MCF2L: variants seen among roughly 807,000 people sequenced by gnomAD.
MCF2L encodes guanine nucleotide exchange factor DBS.
MCF2L carries 97 observed loss-of-function variants against 153.4 expected under a neutral mutation model. The observed-to-expected ratio is 0.63, with a 90% CI of 0.54 to 0.75. The LOEUF (loss-of-function observed/expected upper bound fraction) is 0.75. Among genes scored for constraint, MCF2L ranks in the 30% least tolerant of loss-of-function variants. The probability of loss-of-function intolerance (pLI) is 0.00; values close to 1 mark genes in which losing one functional copy is unlikely to be tolerated. For missense variants in MCF2L, 1,347 were observed against 1,495.2 expected (o/e 0.90, Z 1.64); for synonymous variants, 659 against 632.2 (o/e 1.04, Z -0.64).
At chr13:113,038,238 G>T (rs1284382294) in intron 3 of MCF2L, among the ~76,000 whole-genome samples, 1 of 152,096 alleles carries the variant, frequency 6.6e-6, no homozygotes, top group Non-Finnish European at 1.5e-5. Flanking sequence ...GGCCGAGGTG[G>T]GTGGATCACG....
At chr13:113,009,901 G>A (rs913007301) in intron 1 of MCF2L, 1 of 152,244 alleles carries the variant, frequency 6.6e-6, no homozygotes, top group African/African-American at 2.4e-5. Flanking sequence ...GAAGCCTTTG[G>A]GAATGGGCAT....
At chr13:113,088,536 G>A (rs1359431330) in intron 24 of MCF2L, 26 bp from the exon 25 acceptor site, 9 of 1,611,546 alleles carry the variant, frequency 5.6e-6, no homozygotes, top group African/African-American at 1.3e-5. Context: ...GCTCGTTCAC[G>A]TGGTTTGTCT....
chr13:112,970,883 T>C (rs1260587586), intron 1 of MCF2L, among the ~76,000 whole-genome samples: 1 of 152,156 alleles, frequency 6.6e-6, no homozygotes, highest in South Asian at 2.1e-4. Context: ...CATCGTCTCA[T>C]CTGGAACAGG....
At chr13:113,090,136 T>C in intron 26 of MCF2L, 2 of 1,543,998 alleles carry the variant, frequency 1.3e-6, no homozygotes, top group Admixed American at 2.0e-5. Flanking sequence ...CCTGCAGGGT[T>C]TTGCTAACCT....
rs1219009433 is a variant in MCF2L, at chr13:112,960,059, A to G, written c.170-54704A>G. Among the ~76,000 whole-genome samples the G allele has an allele frequency of 6.6e-6, 1 of 152,250 alleles. No homozygotes were observed. The highest frequency in any genetic ancestry group is 1.5e-5 in the Non-Finnish European group (1 of 68,034). On this transcript the variant is annotated intron_variant, in intron 2 of 29. Transcript: ENST00000375608. This position sits in a 1 kb window ranked among gnomAD's most constrained non-coding sequence, Gnocchi z 4.2. ...AGGTCCCTCGGTAACTTCAGGGCAG[A>G]GGCCTTCTGTCCCGGACGCCTGCCC...
intron 2 of MCF2L, among the ~76,000 whole-genome samples, chr13:112,905,667 C>T (rs2081165753): frequency 1.3e-5 from 2 of 152,218 alleles, no homozygotes; most frequent in Admixed American, 1.3e-4. Context: ...GGTTATTACA[C>T]TGGGCATAAC....
chr13:113,019,232 G>A (rs577354079), intron 2 of MCF2L, among the ~76,000 whole-genome samples: 58 of 152,346 alleles, frequency 3.8e-4, no homozygotes, highest in African/African-American at 1.4e-3. Flanking sequence ...CTCCAGCATG[G>A]CACCTGCCTG....
chr13:113,084,041 C>G lies in MCF2L; in HGVS notation c.2035C>G (p.Leu679Val), dbSNP rs1232895506. Reference protein sequence around the residue: ...ELENYTDCPELVGRCFLERME... With the variant: ...ELENYTDCPEVVGRCFLERME... ...GGAAAACTACACTGACTGCCCAGAA[C>G]TGGTTGGAAGATGCTTTCTGGAGAG... is the stretch of plus-strand genomic sequence containing the variant. The change falls in exon 18 of 30, where the codon CTG becomes GTG. Residue 679 changes from leucine to valine, a missense_variant. Leu to Val is a conservative substitution (Grantham distance 32, BLOSUM62 1). Coordinates refer to ENST00000535094, the MANE Select transcript of MCF2L (RefSeq NM_001112732.3). The G allele has an allele frequency of 3.1e-6, 5 of 1,614,072 alleles. No homozygotes were observed. In the East Asian group the frequency reaches 1.1e-4, roughly 36 times the overall value.
chr13:113,020,886 G>A (rs117303180), intron 2 of MCF2L, among the ~76,000 whole-genome samples: 6 of 106,136 alleles, frequency 5.7e-5, no homozygotes, highest in Non-Finnish European at 1.3e-4. Flanking sequence ...ATGTGTAGAT[G>A]TGTGTATGTG....
Position 112,979,388 on chromosome 13 carries a change from C to T in MCF2L, c.79+9930C>T, listed in dbSNP as rs941508838. The T allele has an allele frequency of 3.2e-5, 44 of 1,354,942 alleles. 1 individual carries two copies. The highest frequency in any genetic ancestry group is 5.6e-4 in the Middle Eastern group (2 of 3,580). 83.9% of individuals were successfully genotyped at this position (1,354,942 alleles called of 1,614,324 possible). A position where few individuals can be genotyped will look rare whatever the true frequency, so the allele number is the denominator to read the frequency against. The stretch of plus-strand genomic sequence containing the variant: ...GGCATTGTCTGCCTGCTCTTCCAGG[C>T]GTGCAGGGCAGTGGTGGCTCGGGCC... On this transcript the variant is annotated intron_variant, in intron 1 of 29. Coordinates refer to ENST00000535094, the MANE Select transcript of MCF2L (RefSeq NM_001112732.3).
Position 113,046,101 on chromosome 13 carries a change from A to G in MCF2L, c.369+740A>G, listed in dbSNP as rs2086795056. The G allele has an allele frequency of 6.4e-6, 1 of 156,778 alleles. No homozygotes were observed. The highest frequency in any genetic ancestry group is 2.0e-4 in the South Asian group (1 of 5,128). 9.7% of individuals were successfully genotyped at this position (156,778 alleles called of 1,614,324 possible). ...TTGCTGTTGGTTTTAACCCAGAGTA[A>G]TCATTTAAGAGGGAAGAGATTAAGT... On this transcript the variant is annotated intron_variant, in intron 4 of 29. Coordinates refer to ENST00000535094, the MANE Select transcript of MCF2L (RefSeq NM_001112732.3). This position sits in a 1 kb window ranked among gnomAD's most constrained non-coding sequence, Gnocchi z 4.4.
chr13:112,991,400 TG>T (rs2082893569), intron 1 of MCF2L, among the ~76,000 whole-genome samples: 1 of 151,568 alleles, frequency 6.6e-6, no homozygotes, highest in African/African-American at 2.4e-5. Flanking sequence ...CGCTGTGTTT[TG>T]GGGGGTGTCT....
chr13:112,939,966 C>T (rs1389161080), intron 2 of MCF2L, among the ~76,000 whole-genome samples: 2 of 140,250 alleles, frequency 1.4e-5, no homozygotes, highest in Non-Finnish European at 3.1e-5. Flanking sequence ...GAGACTCCAT[C>T]TCAAAAAAAA....
intron 1 of MCF2L, among the ~76,000 whole-genome samples, chr13:113,008,363 G>GC (rs913012004): frequency 2.1e-5 from 3 of 144,180 alleles, no homozygotes; most frequent in Non-Finnish European, 4.6e-5. Flanking sequence ...CTGTGTCTCA[G>GC]CCCCTGGACT....
Position 113,078,406 on chromosome 13 carries a change from G to C in MCF2L, c.1704G>C (p.Ala568=), listed in dbSNP as rs780430545. 1.9e-6 allele frequency: 3 copies of C among 1,612,752 alleles called. No homozygotes were observed. Among genetic ancestry groups the C allele is most frequent in the Middle Eastern group, 1.7e-4 (1 of 6,046 alleles). Residue 568 remains alanine (A), a synonymous_variant, in exon 14 of 30, where the codon GCG becomes GCC. Coordinates refer to ENST00000535094, the MANE Select transcript of MCF2L (RefSeq NM_001112732.3). ...GSENSSSEGG[A]LRRGPYRRAK... Reference sequence around the variant, plus strand: ...AGAACTCCAGCTCCGAGGGCGGTGCGCTCCGGAGAGGGCCCTACCGGAGGG... The same window carrying C: ...AGAACTCCAGCTCCGAGGGCGGTGCCCTCCGGAGAGGGCCCTACCGGAGGG...
chr13:113,078,035 T>G (rs1433985694), intron 13 of MCF2L, among the ~76,000 whole-genome samples: 18 of 152,136 alleles, frequency 1.2e-4, no homozygotes, highest in Admixed American at 1.2e-3. Context: ...CCCACCGTCC[T>G]CCCCCTTCCC....
At position 112,969,257 on chromosome 13, in the gene MCF2L, A is replaced by C. The variant is rs913965405; in HGVS notation, c.-123A>C. ...AGGGAGGCGGCGGCTGGAGGCTGAAAGCGCTGCCGTGGCCCCCTCCCCGCC... is the reference window on the plus strand; with the variant it reads ...AGGGAGGCGGCGGCTGGAGGCTGAACGCGCTGCCGTGGCCCCCTCCCCGCC... On this transcript the variant is annotated 5_prime_UTR_variant, in exon 1 of 30. Transcript: ENST00000535094. The surrounding 1 kb of genome is among the most constrained non-coding windows in gnomAD (Gnocchi z 4.8). 1.4e-6 allele frequency: 2 copies of C among 1,421,310 alleles called. No homozygotes were observed. Among genetic ancestry groups the C allele is most frequent in the African/African-American group, 2.9e-5 (2 of 68,866 alleles). The allele number at this position is 1,421,310 out of a possible 1,614,324, so 88.0% of individuals were successfully genotyped here. A position where few individuals can be genotyped will look rare whatever the true frequency, so the allele number is the denominator to read the frequency against.
At chr13:113,095,819 C>T (rs9549347) in intron 27 of MCF2L, 679,176 of 993,800 alleles carry the variant, frequency 0.68, 234,810 homozygotes, top group East Asian at 0.73. Context: ...CCCAACGGAA[C>T]GTGTTCCATG....
rs1020127915 is a variant in MCF2L at position 113,064,261 on chromosome 13, A to G, written c.490-43A>G. On this transcript the variant is annotated intron_variant, in intron 5 of 29. Coordinates refer to ENST00000535094, the MANE Select transcript of MCF2L (RefSeq NM_001112732.3). The surrounding 1 kb of genome is among the most constrained non-coding windows in gnomAD (Gnocchi z 6.0). Reference sequence around the variant, plus strand: ...GATGGGGCAGCTCTTTTGGGAGCCAACAATAATCCCAAACACTACCACGCA... The same window carrying G: ...GATGGGGCAGCTCTTTTGGGAGCCAGCAATAATCCCAAACACTACCACGCA... 4.9e-6 allele frequency: 7 copies of G among 1,433,734 alleles called. No individual in the cohort carries two copies. In the African/African-American group the frequency reaches 8.4e-5, roughly 17 times the overall value. The allele number at this position is 1,433,734 out of a possible 1,614,324, so 88.8% of individuals were successfully genotyped here.
Sources: gnomAD v4.1 joint callset for allele counts (sites outside exome capture counted in the v4.1 genomes callset) on GRCh38, gnomAD v4.1.1 for gene constraint, Gnocchi (gnomAD v3.1) non-coding constraint, MANE v1.5 for transcripts, NCBI Gene and HGNC (gene_info 2026-07-23, HGNC 2026-07-21) for gene names.